The following LRRC3B variants were observed in gnomAD, a reference collection of about 807,000 sequenced individuals.
The protein encoded by LRRC3B is leucine rich repeat containing 3B, also known as leucine-rich repeat-containing protein 3B.
In LRRC3B, 2 loss-of-function variants were observed where a neutral mutation model predicts 12.8. That is an observed-to-expected ratio of 0.16 (90% confidence interval 0.06 to 0.49). LRRC3B has a LOEUF of 0.49. LRRC3B is among the 20% of genes least tolerant of loss of function. LRRC3B has a pLI of 0.96. For synonymous variants in LRRC3B, 132 were observed against 122.0 expected (o/e 1.08, Z -0.54); for missense variants, 189 against 319.4 (o/e 0.59, Z 3.11).
At chr3:26,666,307 C>T (rs1259178580) in intron 1 of LRRC3B, among the ~76,000 whole-genome samples, 1 of 151,940 alleles carries the variant, frequency 6.6e-6, no homozygotes. Context: ...ACATGGCTGC[C>T]TTCAAATTTA....
At chr3:26,636,035 C>T (rs1038537091) in intron 1 of LRRC3B, among the ~76,000 whole-genome samples, 3 of 152,064 alleles carry the variant, frequency 2.0e-5, no homozygotes, top group Non-Finnish European at 4.4e-5. Flanking sequence ...ACTAGCTCAC[C>T]CCACGGTGAT....
At chr3:26,691,442 GCTT>G (rs1303902709) in intron 1 of LRRC3B, among the ~76,000 whole-genome samples, 4 of 152,020 alleles carry the variant, frequency 2.6e-5, no homozygotes, top group African/African-American at 9.7e-5. Context: ...TCTATTTCAT[GCTT>G]CATGGGTGTA....
chr3:26,628,659 T>A (rs988624915), intron 1 of LRRC3B, among the ~76,000 whole-genome samples: 2 of 151,876 alleles, frequency 1.3e-5, no homozygotes, highest in Non-Finnish European at 2.9e-5. Flanking sequence ...ATATACTTTA[T>A]AAAAACTTAG....
At chr3:26,704,937 C>T (rs1404028629) in intron 1 of LRRC3B, among the ~76,000 whole-genome samples, 1 of 151,982 alleles carries the variant, frequency 6.6e-6, no homozygotes, top group Non-Finnish European at 1.5e-5. Context: ...CCTTTTTAAT[C>T]AAATTCTGCT....
At chr3:26,627,621 T>C (rs1698657149) in intron 1 of LRRC3B, among the ~76,000 whole-genome samples, 1 of 152,034 alleles carries the variant, frequency 6.6e-6, no homozygotes, top group Non-Finnish European at 1.5e-5. Flanking sequence ...GAGCTGCTCC[T>C]CCTCTTCCTT....
chr3:26,704,270 A>T (rs952633609), intron 1 of LRRC3B, among the ~76,000 whole-genome samples: 4 of 152,128 alleles, frequency 2.6e-5, no homozygotes, highest in Admixed American at 2.6e-4. Flanking sequence ...TATATCATCA[A>T]CAGCTTATTC....
chr3:26,624,758 T>G (rs1698586066), intron 1 of LRRC3B: 1 of 152,232 alleles, frequency 6.6e-6, no homozygotes, highest in Non-Finnish European at 1.5e-5. Context: ...CTGCCCACCT[T>G]GCAGCTCCCA....
chr3:26,636,710 G>A (rs2125404216), intron 1 of LRRC3B, among the ~76,000 whole-genome samples: 1 of 152,138 alleles, frequency 6.6e-6, no homozygotes. Context: ...AAAAATATGG[G>A]CCTCCAATAT....
intron 1 of LRRC3B, among the ~76,000 whole-genome samples, chr3:26,629,820 T>C (rs1359588187): frequency 1.3e-5 from 2 of 152,034 alleles, no homozygotes; most frequent in Non-Finnish European, 2.9e-5. Context: ...CTGTGGACTG[T>C]TGATACCCAA....
intron 1 of LRRC3B, among the ~76,000 whole-genome samples, chr3:26,689,516 A>C (rs1282111629): frequency 6.6e-6 from 1 of 152,120 alleles, no homozygotes; most frequent in Non-Finnish European, 1.5e-5. Flanking sequence ...TCATGAATTA[A>C]ATACTGTTGT....
chr3:26,685,519 C>G (rs1303378243), intron 1 of LRRC3B, among the ~76,000 whole-genome samples: 1 of 47,802 alleles, frequency 2.1e-5, no homozygotes, highest in Non-Finnish European at 3.7e-5. Flanking sequence ...CTCTCTCTCT[C>G]TCTCTATATA....
At chr3:26,655,179 T>C (rs995260268) in intron 1 of LRRC3B, among the ~76,000 whole-genome samples, 4 of 152,166 alleles carry the variant, frequency 2.6e-5, no homozygotes, top group Non-Finnish European at 4.4e-5. Context: ...ATAAAAATTG[T>C]TTCTTCTTAG....
intron 1 of LRRC3B, among the ~76,000 whole-genome samples, chr3:26,681,014 C>T (rs1385473381): frequency 6.6e-6 from 1 of 152,080 alleles, no homozygotes; most frequent in African/African-American, 2.4e-5. Context: ...ATTTTTGTCA[C>T]TTATATACTA....
chr3:26,657,759 T>C (rs1459284848), intron 1 of LRRC3B, among the ~76,000 whole-genome samples: 1 of 152,172 alleles, frequency 6.6e-6, no homozygotes, highest in African/African-American at 2.4e-5. Flanking sequence ...GACAGAGGGA[T>C]GATTGTCTGG....
At chr3:26,686,415 T>C (rs1700090531) in intron 1 of LRRC3B, among the ~76,000 whole-genome samples, 1 of 152,174 alleles carries the variant, frequency 6.6e-6, no homozygotes, top group African/African-American at 2.4e-5. Flanking sequence ...ATGCTCCTTA[T>C]GGTAACTTCA....
intron 1 of LRRC3B, among the ~76,000 whole-genome samples, chr3:26,645,819 C>T (rs1395572829): frequency 6.6e-6 from 1 of 152,144 alleles, no homozygotes; most frequent in Non-Finnish European, 1.5e-5. Flanking sequence ...GATGGGTTCT[C>T]TGAGGAGATG....
chr3:26,696,349 C>T (rs918206404), intron 1 of LRRC3B, among the ~76,000 whole-genome samples: 3 of 151,912 alleles, frequency 2.0e-5, no homozygotes, highest in African/African-American at 2.4e-5. Context: ...TGTTTTTTAG[C>T]GCTATTTGTA....
chr3:26,633,083 A>G (rs183658045), intron 1 of LRRC3B, among the ~76,000 whole-genome samples: 4 of 152,282 alleles, frequency 2.6e-5, no homozygotes, highest in Admixed American at 6.5e-5. Context: ...TTCCTGCAAC[A>G]GAAAGCGCTC....
intron 1 of LRRC3B, among the ~76,000 whole-genome samples, chr3:26,681,543 G>C (rs1483451144): frequency 1.3e-5 from 2 of 152,174 alleles, no homozygotes; most frequent in Non-Finnish European, 1.5e-5. Context: ...GCTTCTCTGA[G>C]ACTTGATTTT....
Sources: gnomAD v4.1 joint callset for allele counts (sites outside exome capture counted in the v4.1 genomes callset) on GRCh38, gnomAD v4.1.1 for gene constraint, MANE v1.5 for transcripts, NCBI Gene and HGNC (gene_info 2026-07-23, HGNC 2026-07-21) for gene names.